Variants in GAS6 observed in about 807,000 individuals in gnomAD.
GAS6 encodes growth arrest-specific protein 6.
A neutral mutation model predicts 75.8 loss-of-function variants in GAS6; 41 were observed. The observed-to-expected ratio is 0.54, with a 90% CI of 0.42 to 0.70. GAS6 has a LOEUF of 0.70. Ranked by LOEUF, GAS6 falls within the 30% of genes least tolerant of loss-of-function variation. The pLI is 0.00. For missense variants in GAS6, 854 were observed against 940.2 expected, an observed-to-expected ratio of 0.91 and a Z score of 1.20; for synonymous variants, 432 against 412.6, an observed-to-expected ratio of 1.05 and a Z score of -0.57.
intron 11 of GAS6, 106 bp from the exon 12 acceptor site, chr13:113,827,270 A>G: frequency 9.0e-7 from 1 of 1,108,304 alleles, no homozygotes; most frequent in South Asian, 1.5e-5. Context: ...GTGCAGCTCT[A>G]CGGCAGAAAC....
intron 2 of GAS6, among the ~76,000 whole-genome samples, chr13:113,860,047 G>A (rs573931113): frequency 1.3e-5 from 2 of 152,354 alleles, no homozygotes; most frequent in African/African-American, 2.4e-5. Context: ...ATGCAGTTCA[G>A]GATGAGCCAG....
At position 113,832,356 on chromosome 13, in the gene GAS6, G is replaced by T. The variant is rs562664965; in HGVS notation, c.1086C>A (p.Asn362Lys). ...AGRLELQLRY[N>K]GVGRVTSSGP... ...CGCTGCTGGTGACACGGCCGACACC[G>T]TTGTAGCGCAGCTGCAGCTCCAGCC... Residue 362 changes from asparagine to lysine, a missense_variant, in exon 10 of 15, where the codon AAC becomes AAA. By Grantham distance (94) the Asn-to-Lys change is moderately conservative (BLOSUM62 0). Coordinates refer to ENST00000327773, the MANE Select transcript of GAS6 (RefSeq NM_000820.4). 6 of 1,607,828 alleles carry T rather than the reference G, an allele frequency of 3.7e-6. No homozygotes were observed. The East Asian group carries it at 1.1e-4, about 30-fold the overall frequency.
In GAS6 at chr13:113,848,114, A is replaced by G. The variant is rs371308916; in HGVS notation, c.256-64T>C. 66 of 1,548,492 alleles carry G rather than the reference A, an allele frequency of 4.3e-5. No individual in the cohort carries two copies. Among genetic ancestry groups the G allele is most frequent in the Non-Finnish European group, 5.2e-5 (59 of 1,132,116 alleles). On this transcript the variant is annotated intron_variant, in intron 2 of 14. Coordinates refer to ENST00000327773, the MANE Select transcript of GAS6 (RefSeq NM_000820.4). This position sits in a 1 kb window ranked among gnomAD's most constrained non-coding sequence, Gnocchi z 4.8. ...CACACTACGAGGGTCTCTGAACAAC[A>G]TAAGCATCAGCTGGTTAATCAGAGG...
intron 4 of GAS6, chr13:113,843,161 C>T (rs1296359076): frequency 1.4e-5 from 4 of 279,034 alleles, no homozygotes; most frequent in Admixed American, 5.3e-5. Flanking sequence ...TCCCTGACCC[C>T]GTCCACCTCC....
chr13:113,852,221 G>A (rs1485146090), intron 2 of GAS6, among the ~76,000 whole-genome samples: 4 of 152,362 alleles, frequency 2.6e-5, no homozygotes, highest in Non-Finnish European at 4.4e-5. Flanking sequence ...TACTGTTAGT[G>A]TTAATTTTAT....
rs370197202 is a variant in GAS6 at position 113,835,491 on chromosome 13, G to T, written c.712+22C>A. On this transcript the variant is annotated intron_variant, in intron 7 of 14. Coordinates refer to ENST00000327773, the MANE Select transcript of GAS6 (RefSeq NM_000820.4). Reference sequence around the variant, plus strand: ...AGACTTGGGCGTCAGAGAAAGCGAGGGTGACCGCGTGGCGTGGGTACCTCG... The same window carrying T: ...AGACTTGGGCGTCAGAGAAAGCGAGTGTGACCGCGTGGCGTGGGTACCTCG... 62 of 1,610,902 alleles carry T rather than the reference G, an allele frequency of 3.8e-5. No individual in the cohort carries two copies. In the African/African-American group the frequency reaches 7.5e-4, roughly 19 times the overall value.
At position 113,824,068 on chromosome 13, in the gene GAS6, C is replaced by T. The variant is rs1294948308; in HGVS notation, c.1478-518G>A. On this transcript the variant is annotated intron_variant, in intron 12 of 14. Transcript: ENST00000327773. ...GGGTCTGAGCTGTCAGGAGCACGCG[C>T]GGTCTGGGGTCTGAGCTGTCAGGAG... 6.1e-4 allele frequency among the ~76,000 whole-genome samples: 87 copies of T among 142,260 alleles called. 1 individual carries two copies. Among genetic ancestry groups the T allele is most frequent in the African/African-American group, 2.2e-3 (75 of 34,354 alleles). 93.3% of individuals were successfully genotyped at this position (142,260 alleles called of 152,430 possible).
intron 7 of GAS6, among the ~76,000 whole-genome samples, chr13:113,834,993 C>T (rs928651103): frequency 6.6e-6 from 1 of 152,234 alleles, no homozygotes; most frequent in Admixed American, 6.5e-5. Flanking sequence ...CTGGGCTGTG[C>T]AGTGAGGTGT....
rs2051996787 is a variant in GAS6 at position 113,864,044 on chromosome 13, G to GGCGGCGGCT, written c.-133_-125dup. 4.1e-6 allele frequency: 4 copies of GGCGGCGGCT among 966,262 alleles called. No individual in the cohort carries two copies. The highest frequency in any genetic ancestry group is 5.9e-5 in the Admixed American group (1 of 16,840). The allele number at this position is 966,262 out of a possible 1,614,324, so 59.9% of individuals were successfully genotyped here. A position where few individuals can be genotyped will look rare whatever the true frequency, so the allele number is the denominator to read the frequency against. ...AAGGTCACATCGCGGCGGCGGCGGC[G>GGCGGCGGCT]GCGGCGGCTGCGGCACCTCAAGCGC... On this transcript the variant is annotated 5_prime_UTR_variant, in exon 1 of 15. Transcript: ENST00000327773.
intron 2 of GAS6, among the ~76,000 whole-genome samples, chr13:113,851,099 A>G (rs1365256209): frequency 6.6e-6 from 1 of 151,426 alleles, no homozygotes; most frequent in Non-Finnish European, 1.5e-5. Flanking sequence ...GAGTGGGTGG[A>G]TGAAAGAATG....
rs1354065870 is a variant in GAS6 at position 113,858,855 on chromosome 13, CATT to C, written c.255+4717_255+4719del. ...TGTACATGTCTGTTAGTATGTGTGT[CATT>C]ATGCATGTGTGTACATGACTATGTA... On this transcript the variant is annotated intron_variant, in intron 2 of 14. Transcript: ENST00000327773. Among the ~76,000 whole-genome samples the C allele has an allele frequency of 1.1e-4, 14 of 131,816 alleles. 1 individual carries two copies. The highest frequency in any genetic ancestry group is 3.1e-4 in the Admixed American group (4 of 12,960). 86.5% of individuals were successfully genotyped at this position (131,816 alleles called of 152,430 possible).
intron 2 of GAS6, among the ~76,000 whole-genome samples, chr13:113,855,496 G>A (rs920576210): frequency 1.8e-4 from 28 of 152,224 alleles, no homozygotes; most frequent in African/African-American, 6.3e-4. Flanking sequence ...CGGCCTCTCC[G>A]GATCCACGGG....
chr13:113,837,149 G>A lies in GAS6; in HGVS notation c.589+920C>T, dbSNP rs1394955010. 1.3e-5 allele frequency among the ~76,000 whole-genome samples: 2 copies of A among 151,924 alleles called. No homozygotes were observed. Among genetic ancestry groups the A allele is most frequent in the African/African-American group, 4.8e-5 (2 of 41,292 alleles). On this transcript the variant is annotated intron_variant, in intron 6 of 14. Coordinates refer to ENST00000327773, the MANE Select transcript of GAS6 (RefSeq NM_000820.4). The surrounding 1 kb of genome is among the most constrained non-coding windows in gnomAD (Gnocchi z 5.1). ...CAGTGATGGGAGGGGCTCTGTCCTC[G>A]GCGGGGAAATGGGTTTATGTGTTAA...
chr13:113,831,389 G>A (rs1378475935), intron 10 of GAS6, among the ~76,000 whole-genome samples: 2 of 152,184 alleles, frequency 1.3e-5, no homozygotes, highest in Non-Finnish European at 1.5e-5. Flanking sequence ...GGCGGGCGGC[G>A]CCTGGCCTGG....
Position 113,848,167 on chromosome 13 carries a change from C to G in GAS6, c.256-117G>C. The G allele has an allele frequency of 9.2e-7, 1 of 1,087,632 alleles. No individual in the cohort carries two copies. Among genetic ancestry groups the G allele is most frequent in the Non-Finnish European group, 1.4e-6 (1 of 733,566 alleles). 67.4% of individuals were successfully genotyped at this position (1,087,632 alleles called of 1,614,324 possible). On this transcript the variant is annotated intron_variant, in intron 2 of 14. Transcript: ENST00000327773. This position sits in a 1 kb window ranked among gnomAD's most constrained non-coding sequence, Gnocchi z 4.8. ...GCTCTCGGGGCAGCCAGAGGGCCGC[C>G]CCACCCGGGGAACTGAGGGGAAGTG...
At chr13:113,827,793 C>G (rs973970696) in intron 11 of GAS6, among the ~76,000 whole-genome samples, 1 of 152,126 alleles carries the variant, frequency 6.6e-6, no homozygotes, top group Non-Finnish European at 1.5e-5. Context: ...GACGTCAGCA[C>G]GTGGGGGCTG....
chr13:113,858,902 C>T (rs1431192223), intron 2 of GAS6, among the ~76,000 whole-genome samples: 1 of 148,838 alleles, frequency 6.7e-6, no homozygotes, highest in Admixed American at 6.7e-5. Flanking sequence ...TGAATGTGTG[C>T]ATGTATGTGT....
chr13:113,825,307 C>T (rs907401890), intron 12 of GAS6, among the ~76,000 whole-genome samples: 1 of 150,396 alleles, frequency 6.6e-6, no homozygotes, highest in Non-Finnish European at 1.5e-5. Flanking sequence ...CGGGGCTTCA[C>T]AAGGGCACCG....
chr13:113,858,673 CTATG>C, intron 2 of GAS6, among the ~76,000 whole-genome samples: 2 of 133,986 alleles, frequency 1.5e-5, no homozygotes, highest in South Asian at 5.1e-4. Context: ...CTGTGTGTGC[CTATG>C]TATGCATGTC....
Sources: gnomAD v4.1 joint callset for allele counts (sites outside exome capture counted in the v4.1 genomes callset) on GRCh38, gnomAD v4.1.1 for gene constraint, Gnocchi (gnomAD v3.1) non-coding constraint, MANE v1.5 for transcripts, NCBI Gene and HGNC (gene_info 2026-07-23, HGNC 2026-07-21) for gene names.